LDB2: variants seen among roughly 807,000 people sequenced by gnomAD.
LDB2 encodes LIM domain binding 2.
Under a neutral mutation model 44.3 loss-of-function variants are expected in LDB2, and 12 were observed. That is an observed-to-expected ratio of 0.27 (90% confidence interval 0.17 to 0.44). The LOEUF (loss-of-function observed/expected upper bound fraction) is 0.44. Ranked by LOEUF, LDB2 falls within the 20% of genes least tolerant of loss-of-function variation. The probability of loss-of-function intolerance (pLI) is 1.00; values close to 1 mark genes in which losing one functional copy is unlikely to be tolerated. For missense variants in LDB2, 344 were observed against 473.5 expected, an observed-to-expected ratio of 0.73 and a Z score of 2.54; for synonymous variants, 164 against 174.8, an observed-to-expected ratio of 0.94 and a Z score of 0.49.
intron 2 of LDB2, among the ~76,000 whole-genome samples, chr4:16,622,300 T>C (rs1049647233): frequency 6.6e-6 from 1 of 152,248 alleles, no homozygotes. Context: ...AAACAAAAAC[T>C]ATAAATTTCT....
chr4:16,842,290 G>A (rs997789823), intron 1 of LDB2, among the ~76,000 whole-genome samples: 3 of 152,114 alleles, frequency 2.0e-5, no homozygotes, highest in African/African-American at 4.8e-5. Context: ...TTCAATGAAA[G>A]GAGAAAGTCA....
chr4:16,780,062 G>A (rs1322600807), intron 1 of LDB2, among the ~76,000 whole-genome samples: 2 of 151,966 alleles, frequency 1.3e-5, no homozygotes, highest in Non-Finnish European at 2.9e-5. Context: ...CACATGCTGG[G>A]AATAGAGTTT....
intron 5 of LDB2, among the ~76,000 whole-genome samples, chr4:16,564,366 AAAG>A (rs1450206655): frequency 6.6e-6 from 1 of 152,162 alleles, no homozygotes; most frequent in Non-Finnish European, 1.5e-5. Context: ...ATCTCAGAAA[AAAG>A]AAAAAATAAC....
intron 1 of LDB2, among the ~76,000 whole-genome samples, chr4:16,776,395 T>C (rs896217957): frequency 3.3e-5 from 5 of 152,298 alleles, no homozygotes; most frequent in Middle Eastern, 3.4e-3. Context: ...ATGGCTAAAG[T>C]GGAGACAACA....
chr4:16,659,667 G>A (rs1740938173), intron 2 of LDB2, among the ~76,000 whole-genome samples: 1 of 71,436 alleles, frequency 1.4e-5, no homozygotes, highest in Non-Finnish European at 3.1e-5. Flanking sequence ...GTATATCTAT[G>A]TGTGTATATA....
chr4:16,588,186 T>C (rs935392601), intron 4 of LDB2, among the ~76,000 whole-genome samples: 8 of 152,192 alleles, frequency 5.3e-5, no homozygotes, highest in African/African-American at 1.9e-4. Context: ...TTTGATGTGA[T>C]TTATGGTCAA....
chr4:16,550,951 A>C (rs1737444584), intron 5 of LDB2, among the ~76,000 whole-genome samples: 1 of 152,256 alleles, frequency 6.6e-6, no homozygotes, highest in South Asian at 2.1e-4. Context: ...ACAGGGATTT[A>C]TGTAAATACA....
At chr4:16,515,343 G>A (rs1031846795) in intron 5 of LDB2, among the ~76,000 whole-genome samples, 4 of 152,156 alleles carry the variant, frequency 2.6e-5, no homozygotes, top group African/African-American at 4.8e-5. Context: ...TTTGAGTGAC[G>A]GTGTCAATAG....
intron 1 of LDB2, among the ~76,000 whole-genome samples, chr4:16,837,382 G>T (rs185009988): frequency 6.6e-6 from 1 of 152,110 alleles, no homozygotes; most frequent in Non-Finnish European, 1.5e-5. Flanking sequence ...TATTATTTAG[G>T]TCAGGGTCAG....
At chr4:16,622,130 C>A (rs546732401) in intron 2 of LDB2, among the ~76,000 whole-genome samples, 4 of 152,196 alleles carry the variant, frequency 2.6e-5, no homozygotes, top group African/African-American at 9.6e-5. Flanking sequence ...CCTTTGCGGC[C>A]AGTGAATAAT....
At chr4:16,742,359 C>T (rs960294943) in intron 2 of LDB2, among the ~76,000 whole-genome samples, 2 of 152,106 alleles carry the variant, frequency 1.3e-5, no homozygotes, top group South Asian at 2.1e-4. Context: ...CCTTAGCCAC[C>T]GCGCCCAGCC....
chr4:16,651,453 C>A (rs1738235743), intron 2 of LDB2, among the ~76,000 whole-genome samples: 1 of 152,140 alleles, frequency 6.6e-6, no homozygotes, highest in Non-Finnish European at 1.5e-5. Flanking sequence ...GAAACACATT[C>A]CAGTCAATGT....
intron 2 of LDB2, among the ~76,000 whole-genome samples, chr4:16,742,337 T>C (rs1483021317): frequency 6.6e-6 from 1 of 152,210 alleles, no homozygotes; most frequent in Non-Finnish European, 1.5e-5. Context: ...CCCAAAGTGC[T>C]GGGATTACAG....
At chr4:16,597,709 T>G (rs562434927) in intron 2 of LDB2, among the ~76,000 whole-genome samples, 1 of 152,304 alleles carries the variant, frequency 6.6e-6, no homozygotes, top group South Asian at 2.1e-4. Flanking sequence ...ATTAGTAACA[T>G]TATACTTTAT....
In LDB2 at chr4:16,621,986, T is replaced by C. The variant is rs143837028; in HGVS notation, c.236-26111A>G. ...TATTATGTTGGTGCAAAAGTAATTG[T>C]GATTTTTGCAATTAAAAAGTAACCG... On this transcript the variant is annotated intron_variant, in intron 2 of 7. Coordinates refer to ENST00000304523, the MANE Select transcript of LDB2 (RefSeq NM_001290.5). Among the ~76,000 whole-genome samples, 9 of 152,382 alleles carry C rather than the reference T, an allele frequency of 5.9e-5. No individual in the cohort carries two copies. In the East Asian group the frequency reaches 1.7e-3, roughly 29 times the overall value.
intron 3 of LDB2, among the ~76,000 whole-genome samples, chr4:16,595,032 G>T (rs1720419511): frequency 6.6e-6 from 1 of 152,116 alleles, no homozygotes; most frequent in South Asian, 2.1e-4. Flanking sequence ...CCTATGTAGG[G>T]CAAGGATCAT....
At chr4:16,632,788 C>T (rs1732365152) in intron 2 of LDB2, among the ~76,000 whole-genome samples, 1 of 152,126 alleles carries the variant, frequency 6.6e-6, no homozygotes, top group Non-Finnish European at 1.5e-5. Flanking sequence ...CAGGAAACAA[C>T]AGGTGCTGGA....
intron 2 of LDB2, among the ~76,000 whole-genome samples, chr4:16,741,173 C>T (rs1035974835): frequency 1.3e-5 from 2 of 152,274 alleles, no homozygotes; most frequent in Non-Finnish European, 2.9e-5. Context: ...TGGGGCAGAT[C>T]GTCGCATTTT....
chr4:16,750,417 C>A (rs374328011), intron 2 of LDB2, among the ~76,000 whole-genome samples: 7 of 152,238 alleles, frequency 4.6e-5, no homozygotes, highest in African/African-American at 1.7e-4. Flanking sequence ...GCCTGCAATG[C>A]AGACTTTGGA....
Sources: gnomAD v4.1 joint callset for allele counts (sites outside exome capture counted in the v4.1 genomes callset) on GRCh38, gnomAD v4.1.1 for gene constraint, MANE v1.5 for transcripts, NCBI Gene and HGNC (gene_info 2026-07-23, HGNC 2026-07-21) for gene names.